PPP3CA: variants seen among roughly 807,000 people sequenced by gnomAD.
PPP3CA encodes the protein protein phosphatase 3 catalytic subunit alpha.
In PPP3CA, 14 loss-of-function variants were observed where a neutral mutation model predicts 66.5. The ratio of observed to expected loss-of-function variants is 0.21; its 90% CI spans 0.14 to 0.33. PPP3CA has a LOEUF of 0.33. Ranked by LOEUF, PPP3CA falls within the 10% of genes least tolerant of loss-of-function variation. The pLI, the probability that PPP3CA is intolerant of heterozygous loss-of-function variation, is 1.00. For synonymous variants in PPP3CA, 232 were observed against 226.2 expected, an observed-to-expected ratio of 1.03 and a Z score of -0.23; for missense variants, 317 against 639.5, an observed-to-expected ratio of 0.50 and a Z score of 5.44.
At chr4:101,086,548 T>C (rs1223999981) in intron 6 of PPP3CA, among the ~76,000 whole-genome samples, 1 of 152,218 alleles carries the variant, frequency 6.6e-6, no homozygotes, top group Non-Finnish European at 1.5e-5. Flanking sequence ...AAAATGTTTT[T>C]TTTTTAAATG....
At position 101,162,061 on chromosome 4, in the gene PPP3CA, G is replaced by A. The variant is rs1378383866; in HGVS notation, c.259+33855C>T. Among the ~76,000 whole-genome samples, 7 of 152,118 alleles carry A rather than the reference G, an allele frequency of 4.6e-5. 1 individual carries two copies. In the South Asian group the frequency reaches 6.2e-4, roughly 13 times the overall value. On this transcript the variant is annotated intron_variant, in intron 2 of 13. Transcript: ENST00000394854. ...TCGAAACCGGCCTGGCCAACATGGC[G>A]AAATCCCATCTCTACTAAAAATACA...
At chr4:101,030,675 G>GT in intron 12 of PPP3CA, among the ~76,000 whole-genome samples, 1 of 152,170 alleles carries the variant, frequency 6.6e-6, no homozygotes, top group East Asian at 1.9e-4. Flanking sequence ...CTTAAGTAAC[G>GT]TAAGTTTAAA....
chr4:101,186,941 C>T (rs1368020183), intron 2 of PPP3CA, among the ~76,000 whole-genome samples: 4 of 152,116 alleles, frequency 2.6e-5, no homozygotes, highest in Non-Finnish European at 4.4e-5. Flanking sequence ...AAATTTACTA[C>T]TCATTGGGCA....
chr4:101,283,635 G>C (rs1727751982), intron 1 of PPP3CA, among the ~76,000 whole-genome samples: 1 of 152,136 alleles, frequency 6.6e-6, no homozygotes, highest in Admixed American at 6.5e-5. Context: ...CCTTCCCTGG[G>C]AACTGTCAGC....
chr4:101,167,725 T>C (rs1723738172), intron 2 of PPP3CA, among the ~76,000 whole-genome samples: 2 of 152,090 alleles, frequency 1.3e-5, no homozygotes, highest in Non-Finnish European at 2.9e-5. Flanking sequence ...AGGTGACTTC[T>C]AAACACAGAC....
At chr4:101,187,609 C>A (rs1260530538) in intron 2 of PPP3CA, among the ~76,000 whole-genome samples, 1 of 152,024 alleles carries the variant, frequency 6.6e-6, no homozygotes, top group South Asian at 2.1e-4. Flanking sequence ...AAGGAGTTGG[C>A]CTTTAATGTT....
chr4:101,064,570 C>CT (rs1416903486), intron 8 of PPP3CA, among the ~76,000 whole-genome samples: 5 of 151,946 alleles, frequency 3.3e-5, no homozygotes, highest in African/African-American at 1.2e-4. Context: ...CATTTCTTTA[C>CT]TTTTTTGTTT....
chr4:101,221,038 A>C (rs1251137358), intron 1 of PPP3CA, among the ~76,000 whole-genome samples: 1 of 151,758 alleles, frequency 6.6e-6, no homozygotes, highest in Non-Finnish European at 1.5e-5. Flanking sequence ...AGAGTTGAAC[A>C]ATTCTAAGCA....
chr4:101,054,682 C>T (rs1350653526), intron 10 of PPP3CA, among the ~76,000 whole-genome samples: 1 of 152,008 alleles, frequency 6.6e-6, no homozygotes, highest in Non-Finnish European at 1.5e-5. Context: ...ACTCTGGAAC[C>T]TGTGGTATTA....
chr4:101,285,599 ATGTGTGTG>A (rs56681112), intron 1 of PPP3CA, among the ~76,000 whole-genome samples: 5,901 of 124,512 alleles, frequency 0.047, 116 homozygotes, highest in African/African-American at 0.062. Flanking sequence ...CACTGTGTGT[ATGTGTGTG>A]TGTGTGTGTG....
chr4:101,145,626 C>A (rs943652693), intron 2 of PPP3CA, among the ~76,000 whole-genome samples: 1 of 151,992 alleles, frequency 6.6e-6, no homozygotes, highest in Middle Eastern at 3.4e-3. Flanking sequence ...TTACCAGAGG[C>A]TAAGAAGGGT....
chr4:101,323,132 GC>G (rs1226636693), intron 1 of PPP3CA, among the ~76,000 whole-genome samples: 13 of 152,074 alleles, frequency 8.5e-5, no homozygotes, highest in Non-Finnish European at 1.9e-4. Flanking sequence ...CCCTTGAAGG[GC>G]CCACATTTGA....
At chr4:101,044,488 TGTG>T (rs1192933524) in intron 10 of PPP3CA, among the ~76,000 whole-genome samples, 1 of 152,210 alleles carries the variant, frequency 6.6e-6, no homozygotes, top group Non-Finnish European at 1.5e-5. Flanking sequence ...AAATGAAAAC[TGTG>T]GTGATTTCTT....
chr4:101,243,346 G>A (rs896727717), intron 1 of PPP3CA, among the ~76,000 whole-genome samples: 3 of 152,072 alleles, frequency 2.0e-5, no homozygotes, highest in South Asian at 2.1e-4. Flanking sequence ...TCTGAACCAC[G>A]TATAAAAGCA....
At chr4:101,221,324 A>G (rs1237307055) in intron 1 of PPP3CA, among the ~76,000 whole-genome samples, 1 of 151,674 alleles carries the variant, frequency 6.6e-6, no homozygotes, top group Non-Finnish European at 1.5e-5. Context: ...TGCTATGTAC[A>G]GAAATAAGTA....
chr4:101,273,245 C>T (rs1004675233), intron 1 of PPP3CA, among the ~76,000 whole-genome samples: 1 of 152,066 alleles, frequency 6.6e-6, no homozygotes, highest in Admixed American at 6.6e-5. Context: ...AGAATTAACA[C>T]ATTTTTCATT....
chr4:101,224,969 C>G (rs1282746124), intron 1 of PPP3CA, among the ~76,000 whole-genome samples: 1 of 151,730 alleles, frequency 6.6e-6, no homozygotes, highest in African/African-American at 2.4e-5. Flanking sequence ...CACCAGTCAA[C>G]CCAACTCTCC....
chr4:101,073,993 G>T (rs1729035762), intron 8 of PPP3CA, among the ~76,000 whole-genome samples: 1 of 152,172 alleles, frequency 6.6e-6, no homozygotes, highest in South Asian at 2.1e-4. Context: ...AAAAGCATAT[G>T]CTGGGAAAAC....
At chr4:101,198,472 G>T (rs887541113) in intron 1 of PPP3CA, among the ~76,000 whole-genome samples, 1 of 152,140 alleles carries the variant, frequency 6.6e-6, no homozygotes, top group African/African-American at 2.4e-5. Context: ...ATTTTCCAAG[G>T]TGTTTTAGGC....
Sources: gnomAD v4.1 joint callset for allele counts (sites outside exome capture counted in the v4.1 genomes callset) on GRCh38, gnomAD v4.1.1 for gene constraint, MANE v1.5 for transcripts, NCBI Gene and HGNC (gene_info 2026-07-23, HGNC 2026-07-21) for gene names.